PID1: variants seen among roughly 807,000 people sequenced by gnomAD.
PID1 encodes PTB-containing, cubilin and LRP1-interacting protein.
PID1 carries 10 observed loss-of-function variants against 19.1 expected under a neutral mutation model. The observed-to-expected ratio is 0.52, with a 90% CI of 0.32 to 0.89. The LOEUF (loss-of-function observed/expected upper bound fraction) is 0.89. PID1 is among the 40% of genes least tolerant of loss of function. The pLI is 0.03. For missense variants in PID1, 248 were observed against 285.3 expected (o/e 0.87, Z 0.94); for synonymous variants, 130 against 116.0 (o/e 1.12, Z -0.78).
chr2:229,192,227 C>T (rs1473866240), intron 1 of PID1, among the ~76,000 whole-genome samples: 1 of 152,122 alleles, frequency 6.6e-6, no homozygotes, highest in Admixed American at 6.6e-5. Context: ...CCTTTTTTAT[C>T]CTCTCTGCCA....
chr2:229,139,116 A>AAAGAAAGG (rs1559251832), intron 2 of PID1, among the ~76,000 whole-genome samples: 2 of 17,204 alleles, frequency 1.2e-4, no homozygotes, highest in Non-Finnish European at 2.0e-4. Context: ...AGAAAGAAAG[A>AAAGAAAGG]GAAAGAAAGA....
intron 1 of PID1, among the ~76,000 whole-genome samples, chr2:229,168,509 T>C (rs1372501880): frequency 2.0e-5 from 3 of 152,220 alleles, no homozygotes; most frequent in Non-Finnish European, 4.4e-5. Context: ...TCTGCTATTG[T>C]TACTGTTTTC....
chr2:229,141,834 G>A (rs1035182435), intron 2 of PID1, among the ~76,000 whole-genome samples: 4 of 151,928 alleles, frequency 2.6e-5, no homozygotes, highest in Admixed American at 2.0e-4. Context: ...CACTCAGTAC[G>A]CACAGAAGCC....
chr2:229,143,714 G>C (rs1044939638), intron 2 of PID1, among the ~76,000 whole-genome samples: 6 of 152,032 alleles, frequency 3.9e-5, no homozygotes, highest in Non-Finnish European at 8.8e-5. Flanking sequence ...GATCATGGGG[G>C]CCGTTTCCCC....
At chr2:229,191,483 T>C (rs1691259192) in intron 1 of PID1, among the ~76,000 whole-genome samples, 2 of 152,130 alleles carry the variant, frequency 1.3e-5, no homozygotes, top group Admixed American at 6.6e-5. Flanking sequence ...TCCCAATAGA[T>C]ACCATGAAGT....
chr2:229,126,896 C>T (rs1362862238), intron 2 of PID1, among the ~76,000 whole-genome samples: 1 of 152,182 alleles, frequency 6.6e-6, no homozygotes, highest in Non-Finnish European at 1.5e-5. Flanking sequence ...TTACTACTTG[C>T]TCATGCAACA....
intron 2 of PID1, among the ~76,000 whole-genome samples, chr2:229,111,276 C>T (rs1695294002): frequency 6.6e-6 from 1 of 152,080 alleles, no homozygotes; most frequent in Non-Finnish European, 1.5e-5. Flanking sequence ...AGCAGCGATG[C>T]CACAGGCAGG....
intron 2 of PID1, among the ~76,000 whole-genome samples, chr2:229,118,391 G>A (rs187714766): frequency 2.0e-5 from 3 of 152,074 alleles, no homozygotes; most frequent in South Asian, 2.1e-4. Flanking sequence ...TGCTATTCAC[G>A]TGCCTATATG....
chr2:229,167,422 G>A (rs909375374), intron 1 of PID1, among the ~76,000 whole-genome samples: 3 of 152,004 alleles, frequency 2.0e-5, no homozygotes, highest in Admixed American at 6.6e-5. Flanking sequence ...AGGTTACAAC[G>A]CCACTTCTGT....
chr2:229,086,041 A>G (rs879863474), intron 2 of PID1, among the ~76,000 whole-genome samples: 14 of 152,148 alleles, frequency 9.2e-5, no homozygotes, highest in Non-Finnish European at 1.9e-4. Context: ...GCGCTGCCTA[A>G]TTATATTTAA....
chr2:229,167,860 CTTTGAATT>C lies in PID1; in HGVS notation c.31-11904_31-11897del, dbSNP rs1273301860. 2.0e-5 allele frequency among the ~76,000 whole-genome samples: 3 copies of C among 152,082 alleles called. No homozygotes were observed. In the East Asian group the frequency reaches 5.8e-4, roughly 29 times the overall value. ...AAAAGTTTTAAAAATGGAAAGTAGT[CTTTGAATT>C]TTTGAATTTTTATTTTAATTGTTGT... On this transcript the variant is annotated intron_variant, in intron 1 of 2. Transcript: ENST00000392055.
chr2:229,253,036 C>A (rs914865102), intron 1 of PID1, among the ~76,000 whole-genome samples: 1 of 152,108 alleles, frequency 6.6e-6, no homozygotes, highest in African/African-American at 2.4e-5. Context: ...ATATTCTCTA[C>A]CCAGAAGGTC....
At chr2:229,241,148 G>A (rs943575849) in intron 1 of PID1, among the ~76,000 whole-genome samples, 17 of 152,060 alleles carry the variant, frequency 1.1e-4, no homozygotes, top group Admixed American at 8.5e-4. Context: ...AATAGTAGCT[G>A]TTTTAAAGCA....
At chr2:229,232,065 C>T (rs908372628) in intron 1 of PID1, 6 of 1,532,034 alleles carry the variant, frequency 3.9e-6, no homozygotes, top group Non-Finnish European at 5.3e-6. Flanking sequence ...GGCACGAAGC[C>T]TCTTGTACAA....
At chr2:229,100,533 A>G (rs935823203) in intron 2 of PID1, among the ~76,000 whole-genome samples, 1 of 152,214 alleles carries the variant, frequency 6.6e-6, no homozygotes, top group Non-Finnish European at 1.5e-5. Flanking sequence ...TATGCAAAGC[A>G]TCATTGCCTT....
At chr2:229,170,214 ATG>A (rs1329856636) in intron 1 of PID1, among the ~76,000 whole-genome samples, 1 of 152,100 alleles carries the variant, frequency 6.6e-6, no homozygotes, top group Non-Finnish European at 1.5e-5. Context: ...ATGTGTGTGT[ATG>A]TGTGTGTGTT....
chr2:229,069,458 G>A (rs1049557119), intron 2 of PID1, among the ~76,000 whole-genome samples: 1 of 152,074 alleles, frequency 6.6e-6, no homozygotes, highest in Non-Finnish European at 1.5e-5. Flanking sequence ...TTTAGGCAAT[G>A]GAGAAAACAG....
chr2:229,207,219 C>A (rs144138988), intron 1 of PID1, among the ~76,000 whole-genome samples: 133 of 152,146 alleles, frequency 8.7e-4, no homozygotes, highest in African/African-American at 3.0e-3. Flanking sequence ...TAGACAAATA[C>A]TTGCATAACA....
At chr2:229,101,377 T>C (rs1250229742) in intron 2 of PID1, among the ~76,000 whole-genome samples, 1 of 152,158 alleles carries the variant, frequency 6.6e-6, no homozygotes, top group African/African-American at 2.4e-5. Context: ...TATACTTTCT[T>C]GTAAGCAACC....
Sources: allele counts gnomAD v4.1 joint callset (sites outside exome capture counted in the v4.1 genomes callset), GRCh38; gene constraint gnomAD v4.1.1; transcripts MANE v1.5; gene names NCBI Gene and HGNC (gene_info 2026-07-23, HGNC 2026-07-21).